Variants in NCK2 observed in about 807,000 individuals in gnomAD.
The protein encoded by NCK2 is cytoplasmic protein NCK2.
Under a neutral mutation model 33.9 loss-of-function variants are expected in NCK2, and 16 were observed. The observed-to-expected ratio is 0.47, with a 90% CI of 0.32 to 0.72. NCK2 has a LOEUF of 0.72. NCK2 is among the 30% of genes least tolerant of loss of function. NCK2 has a pLI of 0.03. For synonymous variants in NCK2, 273 were observed against 239.9 expected (o/e 1.14, Z -1.27); for missense variants, 418 against 537.3 (o/e 0.78, Z 2.19).
At chr2:105,827,724 A>G (rs1376109368) in intron 2 of NCK2, among the ~76,000 whole-genome samples, 2 of 152,226 alleles carry the variant, frequency 1.3e-5, no homozygotes, top group African/African-American at 2.4e-5. Context: ...CACATATTGT[A>G]TGATTCCATT....
intron 1 of NCK2, among the ~76,000 whole-genome samples, chr2:105,812,688 C>T (rs1675333820): frequency 6.6e-6 from 1 of 152,160 alleles, no homozygotes; most frequent in South Asian, 2.1e-4. Flanking sequence ...ATTGCCTTAG[C>T]TCTGGCTACA....
intron 2 of NCK2, among the ~76,000 whole-genome samples, chr2:105,828,618 G>C (rs1490208979): frequency 6.6e-6 from 1 of 152,214 alleles, no homozygotes; most frequent in Non-Finnish European, 1.5e-5. Context: ...CTATTTTCAT[G>C]AATCTAGACA....
At chr2:105,781,997 T>A (rs1558834324) in intron 1 of NCK2, among the ~76,000 whole-genome samples, 2 of 152,196 alleles carry the variant, frequency 1.3e-5, no homozygotes, top group Non-Finnish European at 2.9e-5. Flanking sequence ...GAGTCCAAAT[T>A]ACCTGAAAAC....
intron 1 of NCK2, among the ~76,000 whole-genome samples, chr2:105,751,214 C>T (rs1349811075): frequency 6.6e-6 from 1 of 152,204 alleles, no homozygotes; most frequent in Non-Finnish European, 1.5e-5. Context: ...CAGTTATATT[C>T]CCCATCACCG....
At chr2:105,775,602 TGCTGTAGACAAAGGA>T (rs941682290) in intron 1 of NCK2, among the ~76,000 whole-genome samples, 1 of 152,238 alleles carries the variant, frequency 6.6e-6, no homozygotes, top group Admixed American at 6.5e-5. Context: ...CTACAGCTTC[TGCTGTAGACAAAGGA>T]GCTGTTTGTT....
At chr2:105,857,976 A>G (rs1227241419) in intron 3 of NCK2, among the ~76,000 whole-genome samples, 4 of 151,842 alleles carry the variant, frequency 2.6e-5, no homozygotes, top group Admixed American at 2.6e-4. Context: ...TGCTTTCCAT[A>G]GCCCCTCCTG....
rs138258282 is a variant in NCK2, at chr2:105,885,188, C to T, written c.948+3139C>T. On this transcript the variant is annotated intron_variant, in intron 4 of 4. Coordinates refer to ENST00000233154, the MANE Select transcript of NCK2 (RefSeq NM_003581.5). Reference sequence around the variant, plus strand: ...GGATATGGTTGGAAAAGGTGCAGAGCTGGCCTGCAAGTGCGGGAGGCCATT... The same window carrying T: ...GGATATGGTTGGAAAAGGTGCAGAGTTGGCCTGCAAGTGCGGGAGGCCATT... 2.4e-3 allele frequency among the ~76,000 whole-genome samples: 360 copies of T among 152,312 alleles called. 1 individual carries two copies. The highest frequency in any genetic ancestry group is 7.7e-3 in the African/African-American group (318 of 41,562).
intron 1 of NCK2, among the ~76,000 whole-genome samples, chr2:105,750,973 G>A (rs1689435602): frequency 6.6e-6 from 1 of 152,164 alleles, no homozygotes; most frequent in African/African-American, 2.4e-5. Context: ...CGGTGGTGAG[G>A]TGCACCCTGA....
At chr2:105,843,324 C>T (rs528072166) in intron 2 of NCK2, among the ~76,000 whole-genome samples, 6 of 149,984 alleles carry the variant, frequency 4.0e-5, no homozygotes, top group African/African-American at 1.5e-4. Context: ...GTTTTGGATT[C>T]GGAGCATTTT....
intron 1 of NCK2, among the ~76,000 whole-genome samples, chr2:105,752,279 T>C (rs1035950681): frequency 6.6e-5 from 10 of 152,222 alleles, no homozygotes; most frequent in African/African-American, 2.2e-4. Flanking sequence ...ATGGTCATTA[T>C]TATTATGCTT....
At chr2:105,750,069 A>AC (rs1558820044) in intron 1 of NCK2, among the ~76,000 whole-genome samples, 1 of 56,648 alleles carries the variant, frequency 1.8e-5, no homozygotes, top group African/African-American at 5.3e-5. Flanking sequence ...CACACACACA[A>AC]AACAACAACA....
intron 1 of NCK2, among the ~76,000 whole-genome samples, chr2:105,758,661 G>A (rs923837518): frequency 6.6e-6 from 1 of 152,098 alleles, no homozygotes. Context: ...ACCCGCCTCA[G>A]CCTCCCAAAG....
chr2:105,851,861 G>A (rs1490550226), intron 2 of NCK2: 1 of 152,310 alleles, frequency 6.6e-6, no homozygotes, highest in Non-Finnish European at 1.5e-5. Context: ...CAGTAAGTGA[G>A]CGAGCCGGAC....
At chr2:105,782,183 T>G (rs1043666752) in intron 1 of NCK2, among the ~76,000 whole-genome samples, 5 of 152,182 alleles carry the variant, frequency 3.3e-5, no homozygotes, top group Admixed American at 3.3e-4. Flanking sequence ...CCTCTCTTTA[T>G]AGGAGTAAGG....
chr2:105,836,021 T>C (rs1224484563), intron 2 of NCK2, among the ~76,000 whole-genome samples: 1 of 150,770 alleles, frequency 6.6e-6, no homozygotes, highest in African/African-American at 2.5e-5. Context: ...ATGAATTGTT[T>C]TTCTGATTTC....
chr2:105,818,042 A>G (rs1000760772), intron 2 of NCK2, among the ~76,000 whole-genome samples: 7 of 152,108 alleles, frequency 4.6e-5, no homozygotes, highest in Non-Finnish European at 1.0e-4. Flanking sequence ...ATGTCCAACA[A>G]TGATGGACTG....
chr2:105,834,699 G>A (rs988111463), intron 2 of NCK2, among the ~76,000 whole-genome samples: 9 of 151,550 alleles, frequency 5.9e-5, no homozygotes, highest in Non-Finnish European at 8.8e-5. Flanking sequence ...ACAAGGTCTC[G>A]TTCTCTTACT....
At chr2:105,829,592 G>GT (rs1676086084) in intron 2 of NCK2, among the ~76,000 whole-genome samples, 1 of 152,164 alleles carries the variant, frequency 6.6e-6, no homozygotes, top group Non-Finnish European at 1.5e-5. Flanking sequence ...GTTTTGAGGA[G>GT]TCGGGTATTT....
chr2:105,812,912 G>A (rs1675344051), intron 1 of NCK2, among the ~76,000 whole-genome samples: 1 of 151,032 alleles, frequency 6.6e-6, no homozygotes, highest in Non-Finnish European at 1.5e-5. Context: ...GCTTCTTGAT[G>A]TAGCCTGACA....
Sources: allele counts gnomAD v4.1 joint callset (sites outside exome capture counted in the v4.1 genomes callset), GRCh38; gene constraint gnomAD v4.1.1; transcripts MANE v1.5; gene names NCBI Gene and HGNC (gene_info 2026-07-23, HGNC 2026-07-21).